The following ATP8B1 variants were observed in gnomAD, a reference collection of about 807,000 sequenced individuals.
ATP8B1 encodes the protein ATPase phospholipid transporting 8B1.
A neutral mutation model predicts 149.9 loss-of-function variants in ATP8B1; 80 were observed. The observed-to-expected ratio is 0.53, with a 90% CI of 0.45 to 0.64. The LOEUF (loss-of-function observed/expected upper bound fraction) is 0.64. Ranked by LOEUF, ATP8B1 falls within the 30% of genes least tolerant of loss-of-function variation. ATP8B1 has a pLI of 0.00. For missense variants in ATP8B1, 1,247 were observed against 1,552.6 expected (o/e 0.80, Z 3.31); for synonymous variants, 536 against 562.8 (o/e 0.95, Z 0.67).
chr18:57,733,334 A>G (rs2079808380), intron 1 of ATP8B1, among the ~76,000 whole-genome samples: 2 of 152,166 alleles, frequency 1.3e-5, no homozygotes, highest in African/African-American at 4.8e-5. Flanking sequence ...GGTGAATAAC[A>G]GTATTATTGT....
chr18:57,755,057 G>T (rs930320161), intron 1 of ATP8B1, among the ~76,000 whole-genome samples: 2 of 152,092 alleles, frequency 1.3e-5, no homozygotes, highest in African/African-American at 2.4e-5. Flanking sequence ...TTAAGAAATA[G>T]AAATTGTCTT....
chr18:57,789,081 G>T (rs1175670905), intron 1 of ATP8B1, among the ~76,000 whole-genome samples: 1 of 152,104 alleles, frequency 6.6e-6, no homozygotes, highest in Non-Finnish European at 1.5e-5. Flanking sequence ...TGGGTTACCA[G>T]ATGAAATATA....
chr18:57,733,630 C>T (rs2079813144), intron 1 of ATP8B1, among the ~76,000 whole-genome samples: 1 of 146,768 alleles, frequency 6.8e-6, no homozygotes, highest in Admixed American at 7.1e-5. Context: ...GGCGTGAACC[C>T]GGGAGGCGGA....
intron 13 of ATP8B1, among the ~76,000 whole-genome samples, chr18:57,687,198 A>G (rs1912292942): frequency 6.6e-6 from 1 of 152,178 alleles, no homozygotes; most frequent in Non-Finnish European, 1.5e-5. Context: ...CAGCTGTTTC[A>G]TCTTGCAAAA....
rs541959457 is a variant in ATP8B1 at position 57,649,601 on chromosome 18, C to A, written c.3531+766G>T. ...ATTGATTGTATTCAGATTGCCCCCC[C>A]CAACCCCTCACAGCCACATTTCTCA... On this transcript the variant is annotated intron_variant, in intron 27 of 27. Coordinates refer to ENST00000648908, the MANE Select transcript of ATP8B1 (RefSeq NM_001374385.1). Among the ~76,000 whole-genome samples the A allele has an allele frequency of 3.6e-3, 550 of 152,202 alleles. 6 individuals are homozygous for A. Among genetic ancestry groups the A allele is most frequent in the African/African-American group, 0.012 (519 of 41,546 alleles).
intron 15 of ATP8B1, among the ~76,000 whole-genome samples, chr18:57,676,717 CAAAAA>C (rs58101846): frequency 0.023 from 2,105 of 92,232 alleles, 23 homozygotes; most frequent in Non-Finnish European, 0.032. Context: ...GACTCCATTT[CAAAAA>C]AAAAAAAAAA....
rs745425804 is a variant in ATP8B1, at chr18:57,648,458, G to A, written c.*30C>T. ...TTTCATAAAAAAATAGACGTGCTTT[G>A]TGGCCGCATCCCAGCCTGGGGGTAA... On this transcript the variant is annotated 3_prime_UTR_variant, in exon 28 of 28. Coordinates refer to ENST00000648908, the MANE Select transcript of ATP8B1 (RefSeq NM_001374385.1). 1 of 1,608,660 alleles carries A rather than the reference G, an allele frequency of 6.2e-7. No individual in the cohort carries two copies. The highest frequency in any genetic ancestry group is 8.5e-7 in the Non-Finnish European group (1 of 1,177,966).
chr18:57,712,681 G>A (rs1016624272), intron 2 of ATP8B1, among the ~76,000 whole-genome samples: 2 of 151,964 alleles, frequency 1.3e-5, no homozygotes, highest in African/African-American at 4.8e-5. Flanking sequence ...AGAGCAGCTA[G>A]TGGAATGCTT....
intron 4 of ATP8B1, among the ~76,000 whole-genome samples, chr18:57,701,965 C>T (rs1477469562): frequency 3.9e-5 from 6 of 151,928 alleles, no homozygotes; most frequent in African/African-American, 1.2e-4. Context: ...CCCAAAGTGC[C>T]GGGATTACAG....
At position 57,671,562 on chromosome 18, in the gene ATP8B1, T is replaced by C. The variant is rs1911219515; in HGVS notation, c.1838A>G (p.Asn613Ser). The change falls in exon 17 of 28, where the codon AAT (asparagine) becomes AGT (serine). Residue 613 changes from asparagine (N) to serine (S), a missense_variant. Coordinates refer to ENST00000648908, the MANE Select transcript of ATP8B1 (RefSeq NM_001374385.1). ...MSIIVRTPEG[N>S]IKLYCKGADT... ...AGCACCTTTACAGTAAAGCTTGATA[T>C]TGCCTTCTGGGGTTCTTACTGGTAG... 6.2e-7 allele frequency: 1 copy of C among 1,613,564 alleles called. No individual in the cohort carries two copies. Among genetic ancestry groups the C allele is most frequent in the Admixed American group, 1.7e-5 (1 of 59,996 alleles).
At chr18:57,788,880 T>C (rs961310898) in intron 1 of ATP8B1, among the ~76,000 whole-genome samples, 1 of 152,218 alleles carries the variant, frequency 6.6e-6, no homozygotes, top group Admixed American at 6.5e-5. Context: ...TTACAAATCA[T>C]AGATATTAAA....
intron 6 of ATP8B1, among the ~76,000 whole-genome samples, chr18:57,699,186 CCTGA>C (rs1219011985): frequency 1.3e-5 from 2 of 152,174 alleles, no homozygotes; most frequent in African/African-American, 4.8e-5. Flanking sequence ...AGGAAAGTAA[CCTGA>C]CTTACAGCCG....
chr18:57,661,138 A>G (rs1474931297), intron 22 of ATP8B1, 36 bp downstream of exon 22: 1 of 1,609,806 alleles, frequency 6.2e-7, no homozygotes, highest in Admixed American at 1.7e-5. Context: ...CCTCTCTAGC[A>G]CGTTGGGCCT....
At chr18:57,712,048 C>CAT (rs10622264) in intron 2 of ATP8B1, among the ~76,000 whole-genome samples, 29,080 of 144,082 alleles carry the variant, frequency 0.2, 3,066 homozygotes, top group South Asian at 0.31. Flanking sequence ...CCTCTATTGG[C>CAT]ATATATATAT....
At chr18:57,729,224 G>A (rs12956898) in intron 2 of ATP8B1, among the ~76,000 whole-genome samples, 92,665 of 152,008 alleles carry the variant, frequency 0.61, 28,453 homozygotes, top group African/African-American at 0.67. Context: ...GCTGTGTCTC[G>A]GACTACACGT....
At chr18:57,765,476 T>C (rs2080202141) in intron 1 of ATP8B1, among the ~76,000 whole-genome samples, 1 of 152,148 alleles carries the variant, frequency 6.6e-6, no homozygotes, top group African/African-American at 2.4e-5. Flanking sequence ...GAGACCAGCC[T>C]GGTCAATATG....
intron 1 of ATP8B1, among the ~76,000 whole-genome samples, chr18:57,744,868 C>G (rs952484050): frequency 1.3e-5 from 2 of 152,148 alleles, no homozygotes; most frequent in Non-Finnish European, 2.9e-5. Flanking sequence ...AACTTTGAAA[C>G]TTTTGATCTA....
chr18:57,711,352 T>G (rs319409), intron 2 of ATP8B1, among the ~76,000 whole-genome samples: 77,919 of 151,992 alleles, frequency 0.51, 20,879 homozygotes, highest in African/African-American at 0.58. Context: ...TGGTAGGAAT[T>G]ACCTCCAAAT....
At chr18:57,764,313 CTTTCTTTCTTTTTCTTTCTTTCTTTCTT>C (rs1221652398) in intron 1 of ATP8B1, among the ~76,000 whole-genome samples, 4 of 141,592 alleles carry the variant, frequency 2.8e-5, no homozygotes, top group Admixed American at 7.1e-5. Context: ...TTCCTTCTTT[CTTTCTTTCTTTTTCTTTCTTTCTTTCTT>C]TTTCTTTCTT....
Sources: gnomAD v4.1 joint callset for allele counts (sites outside exome capture counted in the v4.1 genomes callset) on GRCh38, gnomAD v4.1.1 for gene constraint, MANE v1.5 for transcripts, NCBI Gene and HGNC (gene_info 2026-07-23, HGNC 2026-07-21) for gene names.